TMEM108: variants seen among roughly 807,000 people sequenced by gnomAD.
The protein encoded by TMEM108 is cancer/testis antigen 124.
Under a neutral mutation model 35.1 loss-of-function variants are expected in TMEM108, and 12 were observed. The ratio of observed to expected loss-of-function variants is 0.34; its 90% CI spans 0.22 to 0.55. The LOEUF (loss-of-function observed/expected upper bound fraction) is 0.55. Ranked by LOEUF, TMEM108 falls within the 20% of genes least tolerant of loss-of-function variation. TMEM108 has a pLI of 0.89. For missense variants in TMEM108, 680 were observed against 753.3 expected, an observed-to-expected ratio of 0.90 and a Z score of 1.14; for synonymous variants, 287 against 308.6, an observed-to-expected ratio of 0.93 and a Z score of 0.73.
chr3:133,328,791 G>A (rs1282679566), intron 3 of TMEM108, among the ~76,000 whole-genome samples: 2 of 152,136 alleles, frequency 1.3e-5, no homozygotes, highest in Non-Finnish European at 2.9e-5. Flanking sequence ...TTTGCAGTAG[G>A]TTAGATGTAA....
chr3:133,200,187 A>G (rs180823761), intron 2 of TMEM108, among the ~76,000 whole-genome samples: 12 of 152,300 alleles, frequency 7.9e-5, no homozygotes, highest in African/African-American at 2.6e-4. Context: ...TGGCTAGGAA[A>G]GGGAATTCCC....
At chr3:133,190,366 AT>A (rs1439263417) in intron 2 of TMEM108, among the ~76,000 whole-genome samples, 7 of 152,214 alleles carry the variant, frequency 4.6e-5, no homozygotes, top group Non-Finnish European at 7.3e-5. Flanking sequence ...TATCAAGAAA[AT>A]GACCTCATTT....
chr3:133,341,644 T>C (rs879344375), intron 3 of TMEM108, among the ~76,000 whole-genome samples: 1 of 151,726 alleles, frequency 6.6e-6, no homozygotes, highest in Non-Finnish European at 1.5e-5. Context: ...AGTTATACTA[T>C]GGAGCTATAA....
At chr3:133,185,284 G>A (rs116705456) in intron 2 of TMEM108, among the ~76,000 whole-genome samples, 1,552 of 152,156 alleles carry the variant, frequency 0.01, 36 homozygotes, top group African/African-American at 0.035. Context: ...GCTTCTTTCC[G>A]TGGGAAAAGT....
At chr3:133,198,901 C>T (rs1945619204) in intron 2 of TMEM108, among the ~76,000 whole-genome samples, 1 of 152,166 alleles carries the variant, frequency 6.6e-6, no homozygotes, top group Admixed American at 6.5e-5. Flanking sequence ...AACTTGGTTC[C>T]ATTCTCCCTG....
At chr3:133,260,020 A>G (rs115213673) in intron 3 of TMEM108, among the ~76,000 whole-genome samples, 1,564 of 152,344 alleles carry the variant, frequency 0.01, 28 homozygotes, top group South Asian at 0.039. Flanking sequence ...CAAAGAGATT[A>G]GTGAGGCTCC....
chr3:133,061,200 T>C (rs890567731), intron 2 of TMEM108, among the ~76,000 whole-genome samples: 5 of 150,290 alleles, frequency 3.3e-5, no homozygotes, highest in African/African-American at 1.2e-4. Flanking sequence ...GTTTGTACAA[T>C]GGGCATGTCT....
intron 5 of TMEM108, 87 bp downstream of exon 5, chr3:133,390,421 G>T: frequency 6.8e-7 from 1 of 1,464,136 alleles, no homozygotes; most frequent in Non-Finnish European, 9.4e-7. Context: ...TGAGTGCCTT[G>T]CTCCTTAACG....
chr3:133,176,409 C>T (rs749603236), intron 2 of TMEM108, among the ~76,000 whole-genome samples: 12 of 152,038 alleles, frequency 7.9e-5, no homozygotes, highest in South Asian at 2.1e-4. Context: ...CAAAATTGAC[C>T]ACATAGTTGG....
chr3:133,234,268 GT>G (rs1358155516), intron 3 of TMEM108, among the ~76,000 whole-genome samples: 1 of 152,108 alleles, frequency 6.6e-6, no homozygotes, highest in Non-Finnish European at 1.5e-5. Flanking sequence ...TGGCTAGCCA[GT>G]TTTCCCAGCA....
intron 3 of TMEM108, among the ~76,000 whole-genome samples, chr3:133,261,396 G>A (rs948001196): frequency 6.6e-6 from 1 of 152,108 alleles, no homozygotes; most frequent in African/African-American, 2.4e-5. Flanking sequence ...TTTTTCTACA[G>A]CAGTAATAAC....
intron 3 of TMEM108, among the ~76,000 whole-genome samples, chr3:133,256,157 G>A (rs1420385828): frequency 6.6e-6 from 1 of 152,090 alleles, no homozygotes; most frequent in African/African-American, 2.4e-5. Context: ...ACAGAATCAA[G>A]GAGACAGTGA....
chr3:133,050,991 T>G (rs114852478), intron 2 of TMEM108, among the ~76,000 whole-genome samples: 10,460 of 151,780 alleles, frequency 0.069, 1,228 homozygotes, highest in African/African-American at 0.24. Flanking sequence ...TTTTTTTTTT[T>G]TGTGGACATA....
chr3:133,184,984 A>T (rs1257848848), intron 2 of TMEM108, among the ~76,000 whole-genome samples: 1 of 152,236 alleles, frequency 6.6e-6, no homozygotes, highest in Non-Finnish European at 1.5e-5. Flanking sequence ...ATTCTGTAAT[A>T]AATTAATCAA....
chr3:133,092,022 C>T (rs1943953187), intron 2 of TMEM108, among the ~76,000 whole-genome samples: 1 of 152,168 alleles, frequency 6.6e-6, no homozygotes, highest in Non-Finnish European at 1.5e-5. Flanking sequence ...AGTATGATGA[C>T]TTCAGTAGTA....
rs1000909675 is a variant in TMEM108, at chr3:133,065,202, T to C, written c.-47+19182T>C. On this transcript the variant is annotated intron_variant, in intron 2 of 5. Coordinates refer to ENST00000321871, the MANE Select transcript of TMEM108 (RefSeq NM_023943.4). ...ATTGTCACTGCATTTTTTTTAGCAC[T>C]ATGTATTCTTTTTTAATTCTGTGGA... Among the ~76,000 whole-genome samples, 8 of 152,190 alleles carry C rather than the reference T, an allele frequency of 5.3e-5. 1 individual carries two copies. The East Asian group carries it at 1.2e-3, about 22-fold the overall frequency.
intron 2 of TMEM108, among the ~76,000 whole-genome samples, chr3:133,081,540 C>T (rs1171283460): frequency 6.6e-6 from 1 of 152,198 alleles, no homozygotes; most frequent in East Asian, 1.9e-4. Context: ...TTGTGCCATT[C>T]CTTCAATCCA....
At chr3:133,206,392 G>A (rs934562751) in intron 2 of TMEM108, among the ~76,000 whole-genome samples, 2 of 152,186 alleles carry the variant, frequency 1.3e-5, no homozygotes, top group Non-Finnish European at 2.9e-5. Context: ...CTGGTTTTTG[G>A]AATTTTCAGC....
chr3:133,263,757 A>G (rs762802647), intron 3 of TMEM108, among the ~76,000 whole-genome samples: 33 of 152,246 alleles, frequency 2.2e-4, no homozygotes, highest in Non-Finnish European at 4.4e-4. Flanking sequence ...TCAGTCTGCC[A>G]TGCTGTCTTT....
Sources: allele counts gnomAD v4.1 joint callset (sites outside exome capture counted in the v4.1 genomes callset), GRCh38; gene constraint gnomAD v4.1.1; transcripts MANE v1.5; gene names NCBI Gene and HGNC (gene_info 2026-07-23, HGNC 2026-07-21).